The following MSI2 variants were observed in gnomAD, a reference collection of about 807,000 sequenced individuals.
MSI2 encodes the protein musashi RNA binding protein 2, also known as RNA-binding protein Musashi homolog 2.
MSI2 carries 17 observed loss-of-function variants against 45.6 expected under a neutral mutation model. That is an observed-to-expected ratio of 0.37 (90% CI 0.26 to 0.56). The LOEUF is 0.56. MSI2 is among the 20% of genes least tolerant of loss of function. The pLI, the probability that MSI2 is intolerant of heterozygous loss-of-function variation, is 0.77. For synonymous variants in MSI2, 156 were observed against 158.2 expected (o/e 0.99, Z 0.11); for missense variants, 293 against 444.2 (o/e 0.66, Z 3.06).
intron 6 of MSI2, among the ~76,000 whole-genome samples, chr17:57,429,805 G>C (rs1421898189): frequency 2.0e-5 from 3 of 152,054 alleles, no homozygotes; most frequent in Admixed American, 1.3e-4. Context: ...TGGAGAACCA[G>C]CATTCTGGTG....
the MSI2 span, among the ~76,000 whole-genome samples, chr17:57,690,505 G>A: frequency 1.7e-4 from 26 of 151,916 alleles, no homozygotes; most frequent in Middle Eastern, 3.2e-3. Context: ...TGTAGTCCCA[G>A]CTACTCTGGA....
chr17:57,599,562 G>T (rs916553907), intron 8 of MSI2, among the ~76,000 whole-genome samples: 1 of 152,336 alleles, frequency 6.6e-6, no homozygotes, highest in East Asian at 1.9e-4. Context: ...TCAGGTGCAC[G>T]TAACCGGGTT....
rs1226623593 is a variant in MSI2, at chr17:57,676,945, A to G, written c.946-42A>G. On this transcript the variant is annotated intron_variant, in intron 12 of 13. Transcript: ENST00000284073. ...TCCCAGAATATGACAATCTGTTCCC[A>G]TGTATAGCACACTGATGACCTTAAC... The G allele has an allele frequency of 4.1e-6, 5 of 1,230,956 alleles. No individual in the cohort carries two copies. In the East Asian group the frequency reaches 9.3e-5, roughly 23 times the overall value. The allele number at this position is 1,230,956 out of a possible 1,614,324, so 76.3% of individuals were successfully genotyped here. A position where few individuals can be genotyped will look rare whatever the true frequency, so the allele number is the denominator to read the frequency against.
rs149449239 is a variant in MSI2 at position 57,609,707 on chromosome 17, A to G, written c.538-6263A>G. Among the ~76,000 whole-genome samples, 302 of 152,346 alleles carry G rather than the reference A, an allele frequency of 2.0e-3. 4 individuals are homozygous for G. Among genetic ancestry groups the G allele is most frequent in the African/African-American group, 7.1e-3 (297 of 41,596 alleles). ...CATCCCCAAAGATGCCAGGGCAGTG[A>G]GCTTACCTTTGCAAGGGCTTCGGAT... is the stretch of plus-strand genomic sequence containing the variant. On this transcript the variant is annotated intron_variant, in intron 8 of 13. Transcript: ENST00000284073.
intron 6 of MSI2, among the ~76,000 whole-genome samples, chr17:57,511,730 G>A (rs1011170862): frequency 1.3e-5 from 2 of 152,194 alleles, no homozygotes; most frequent in Admixed American, 1.3e-4. Context: ...AGGCTATTTG[G>A]CAATGGGGTA....
chr17:57,472,617 T>G (rs1267905803), intron 6 of MSI2, among the ~76,000 whole-genome samples: 1 of 152,172 alleles, frequency 6.6e-6, no homozygotes, highest in Non-Finnish European at 1.5e-5. Context: ...GCAAGCCCCT[T>G]AATGTTTCTG....
chr17:57,568,307 G>A (rs945654736), intron 7 of MSI2, among the ~76,000 whole-genome samples: 3 of 152,170 alleles, frequency 2.0e-5, no homozygotes, highest in African/African-American at 4.8e-5. Context: ...GATGTGAGTT[G>A]GGATGATCTA....
At chr17:57,348,799 G>A (rs918767053) in intron 5 of MSI2, among the ~76,000 whole-genome samples, 1 of 152,110 alleles carries the variant, frequency 6.6e-6, no homozygotes, top group Non-Finnish European at 1.5e-5. Context: ...TGACCTATAG[G>A]GAGAATGGTG....
chr17:57,600,240 G>A (rs1905714065), intron 8 of MSI2, among the ~76,000 whole-genome samples: 1 of 152,236 alleles, frequency 6.6e-6, no homozygotes, highest in African/African-American at 2.4e-5. Context: ...ACAGGACTGT[G>A]CTGTGAAACC....
intron 5 of MSI2, among the ~76,000 whole-genome samples, chr17:57,302,844 GT>G (rs1228313800): frequency 6.6e-6 from 1 of 152,252 alleles, no homozygotes; most frequent in Non-Finnish European, 1.5e-5. Flanking sequence ...GTCCCTGGGT[GT>G]TTGGTGGCAG....
intron 6 of MSI2, among the ~76,000 whole-genome samples, chr17:57,512,968 C>CTTTTTTTTTTTTTTTTTTTTTTTTTTTT (rs34727727): frequency 8.7e-6 from 1 of 114,718 alleles, no homozygotes; most frequent in Non-Finnish European, 1.7e-5. Context: ...TAGCTTCTTC[C>CTTTTTTTTTTTTTTTTTTTTTTTTTTTT]TTTTTTTTTT....
intron 7 of MSI2, among the ~76,000 whole-genome samples, chr17:57,551,745 T>A (rs569660283): frequency 1.3e-5 from 2 of 152,256 alleles, no homozygotes; most frequent in Admixed American, 6.5e-5. Flanking sequence ...ATGAGACTTC[T>A]CACTGGGTTC....
chr17:57,559,133 C>A (rs546527222), intron 7 of MSI2, among the ~76,000 whole-genome samples: 1 of 152,240 alleles, frequency 6.6e-6, no homozygotes, highest in East Asian at 1.9e-4. Flanking sequence ...AAATCAGAAC[C>A]ACAAAAGCAG....
intron 5 of MSI2, 105 bp downstream of exon 5, chr17:57,262,297 C>A: frequency 8.0e-7 from 1 of 1,250,182 alleles, no homozygotes; most frequent in Non-Finnish European, 1.2e-6. Context: ...CTGGTATTCA[C>A]TGTTCCTTCG....
chr17:57,576,345 G>A (rs2088046811), intron 7 of MSI2, among the ~76,000 whole-genome samples: 1 of 152,184 alleles, frequency 6.6e-6, no homozygotes, highest in Non-Finnish European at 1.5e-5. Context: ...GTATCCTAAA[G>A]GCCCAGCTGA....
chr17:57,442,841 T>G (rs906484835), intron 6 of MSI2, among the ~76,000 whole-genome samples: 1 of 152,208 alleles, frequency 6.6e-6, no homozygotes, highest in African/African-American at 2.4e-5. Flanking sequence ...GTGCTGGAAA[T>G]TTAATGCTCC....
intron 11 of MSI2, among the ~76,000 whole-genome samples, chr17:57,669,030 A>T (rs1912581892): frequency 6.6e-6 from 1 of 152,228 alleles, no homozygotes. Flanking sequence ...GATTGCTGGG[A>T]CATAGCTGGC....
intron 6 of MSI2, among the ~76,000 whole-genome samples, chr17:57,497,760 C>T (rs1478252166): frequency 6.6e-6 from 1 of 152,194 alleles, no homozygotes; most frequent in Non-Finnish European, 1.5e-5. Flanking sequence ...TGTAACAAGT[C>T]ACCAGGTGTG....
intron 6 of MSI2, among the ~76,000 whole-genome samples, chr17:57,484,187 C>T (rs2085705842): frequency 6.6e-6 from 1 of 152,182 alleles, no homozygotes; most frequent in Admixed American, 6.5e-5. Flanking sequence ...TGTTCTTGGC[C>T]TCCGTTAGCA....
Sources: allele counts gnomAD v4.1 joint callset (sites outside exome capture counted in the v4.1 genomes callset), GRCh38; gene constraint gnomAD v4.1.1; transcripts MANE v1.5; gene names NCBI Gene and HGNC (gene_info 2026-07-23, HGNC 2026-07-21).